Variants in CACNA1I observed in about 807,000 individuals in gnomAD.
CACNA1I encodes the protein calcium voltage-gated channel subunit alpha1 I.
In CACNA1I, 74 loss-of-function variants were observed where a neutral mutation model predicts 201.6. The ratio of observed to expected loss-of-function variants is 0.37; its 90% confidence interval spans 0.30 to 0.45. CACNA1I has a LOEUF of 0.45. Ranked by LOEUF, CACNA1I falls within the 20% of genes least tolerant of loss-of-function variation. CACNA1I has a pLI of 1.00. For synonymous variants in CACNA1I, 1,431 were observed against 1,345.2 expected (o/e 1.06, Z -1.40); for missense variants, 2,346 against 3,138.1 (o/e 0.75, Z 6.03).
chr22:39,648,517 C>T lies in CACNA1I; in HGVS notation c.1567+591C>T, dbSNP rs543180271. 3.9e-5 allele frequency among the ~76,000 whole-genome samples: 6 copies of T among 152,230 alleles called. No individual in the cohort carries two copies. In the East Asian group the frequency reaches 1.2e-3, roughly 30 times the overall value. ...AGCCGGCGCTGGGAAGGGCTTTGGG[C>T]CTGTCCTCCGGGGTGAGATGGGACT... On this transcript the variant is annotated intron_variant, in intron 9 of 36. Transcript: ENST00000402142. The surrounding 1 kb of genome is among the most constrained non-coding windows in gnomAD (Gnocchi z 5.4).
chr22:39,592,244 C>T (rs910443227), intron 1 of CACNA1I, among the ~76,000 whole-genome samples: 3 of 152,198 alleles, frequency 2.0e-5, no homozygotes, highest in African/African-American at 7.2e-5. Context: ...TCCTCAAAGG[C>T]GCTCAGGGCT....
At chr22:39,674,143 C>T in intron 29 of CACNA1I, 110 bp downstream of exon 29, 1 of 1,002,198 alleles carries the variant, frequency 1.0e-6, no homozygotes, top group South Asian at 1.4e-5. Flanking sequence ...AGAGCCAGGG[C>T]AGATGCTGTC....
intron 3 of CACNA1I, among the ~76,000 whole-genome samples, chr22:39,600,979 C>T (rs2145828858): frequency 6.6e-6 from 1 of 152,280 alleles, no homozygotes; most frequent in Non-Finnish European, 1.5e-5. Context: ...AAAATGAGCA[C>T]CCAATAAATG....
At position 39,659,588 on chromosome 22, in the gene CACNA1I, C is replaced by T. The variant is rs60908413; in HGVS notation, c.2448+38C>T. 115 of 1,597,358 alleles carry T rather than the reference C, an allele frequency of 7.2e-5. No individual in the cohort carries two copies. The African/African-American group carries it at 1.3e-3, about 19-fold the overall frequency. On this transcript the variant is annotated intron_variant, in intron 13 of 36. Transcript: ENST00000402142. The surrounding 1 kb of genome is among the most constrained non-coding windows in gnomAD (Gnocchi z 4.3). The stretch of plus-strand genomic sequence containing the variant: ...TGCGTGTTCATGTTTGCTGGGGAAG[C>T]GATGGGACAGTAGGCCTGGGAGGGG...
At chr22:39,667,347 G>A (rs539321084) in intron 23 of CACNA1I, among the ~76,000 whole-genome samples, 51 of 152,326 alleles carry the variant, frequency 3.3e-4, no homozygotes, top group African/African-American at 1.2e-3. Context: ...AGGGGCCAGT[G>A]CAGGGCCAGA....
In CACNA1I at chr22:39,680,044, G is replaced by T. The variant is rs574911545; in HGVS notation, c.5541+176G>T. Among the ~76,000 whole-genome samples the T allele has an allele frequency of 2.9e-3, 435 of 152,312 alleles. 2 individuals are homozygous for T. The highest frequency in any genetic ancestry group is 4.6e-3 in the Non-Finnish European group (310 of 68,002). On this transcript the variant is annotated intron_variant, in intron 33 of 36. Coordinates refer to ENST00000402142, the MANE Select transcript of CACNA1I (RefSeq NM_021096.4). Reference sequence around the variant, plus strand: ...GGCTCCCTGAGTCAGGGCCAGGTGTGGGCCTGTGGTGTGGTGGCCACAGCT... The same window carrying T: ...GGCTCCCTGAGTCAGGGCCAGGTGTTGGCCTGTGGTGTGGTGGCCACAGCT...
chr22:39,682,788 G>T (rs1272000277), intron 35 of CACNA1I, 127 bp downstream of exon 35: 2 of 742,578 alleles, frequency 2.7e-6, no homozygotes, highest in Non-Finnish European at 4.3e-6. Flanking sequence ...GAAAGAACCA[G>T]ATGGATATCT....
rs565725571 is a variant in CACNA1I, at chr22:39,629,712, G to A, written c.581-4853G>A. 3.1e-4 allele frequency among the ~76,000 whole-genome samples: 47 copies of A among 152,190 alleles called. 1 individual carries two copies. The South Asian group carries it at 8.3e-3, about 27-fold the overall frequency. On this transcript the variant is annotated intron_variant, in intron 4 of 36. Transcript: ENST00000402142. The surrounding 1 kb of genome is among the most constrained non-coding windows in gnomAD (Gnocchi z 4.8). ...CTCAGCGCTCCGGTTTCTGTCCCAC[G>A]TGAGACCCCCGGGAGGCAGCGACCA...
intron 4 of CACNA1I, among the ~76,000 whole-genome samples, 174 bp from the exon 5 acceptor site, chr22:39,634,391 G>A (rs1240595628): frequency 6.6e-6 from 1 of 152,134 alleles, no homozygotes; most frequent in African/African-American, 2.4e-5. Context: ...CGGTGGAGGG[G>A]CAGATAAAAA....
rs1935830509 is a variant in CACNA1I, at chr22:39,685,429, G to C, written c.6028-332G>C. Among the ~76,000 whole-genome samples, 1 of 151,668 alleles carries C rather than the reference G, an allele frequency of 6.6e-6. No homozygotes were observed. The highest frequency in any genetic ancestry group is 1.5e-5 in the Non-Finnish European group (1 of 67,790). On this transcript the variant is annotated intron_variant, in intron 36 of 36. Transcript: ENST00000402142. The surrounding 1 kb of genome is among the most constrained non-coding windows in gnomAD (Gnocchi z 5.0). ...AAGGCTGGGGCCGCGTCAGACCATGGGGGGTGCGGTGGGGGTGCCACGTGC... is the reference window on the plus strand; with the variant it reads ...AAGGCTGGGGCCGCGTCAGACCATGCGGGGTGCGGTGGGGGTGCCACGTGC...
At chr22:39,628,151 T>C in intron 4 of CACNA1I, among the ~76,000 whole-genome samples, 1 of 152,188 alleles carries the variant, frequency 6.6e-6, no homozygotes, top group Admixed American at 6.5e-5. Flanking sequence ...GGCCACCAGA[T>C]CAAAGGACTG....
At chr22:39,664,261 A>G in intron 20 of CACNA1I, 102 bp downstream of exon 20, 2 of 980,036 alleles carry the variant, frequency 2.0e-6, no homozygotes, top group Non-Finnish European at 3.1e-6. Context: ...CATCGGCTTC[A>G]TTTCACTCGT....
intron 1 of CACNA1I, chr22:39,587,625 G>T: frequency 2.7e-6 from 1 of 366,158 alleles, no homozygotes. Flanking sequence ...TTCAAATCCT[G>T]GCTCTGTCCC....
intron 25 of CACNA1I, 76 bp downstream of exon 25, chr22:39,670,306 A>G: frequency 6.9e-7 from 1 of 1,441,604 alleles, no homozygotes; most frequent in South Asian, 1.3e-5. Flanking sequence ...CAGCCTCCTG[A>G]GCCTTTGGAG....
chr22:39,627,782 T>C (rs1384665829), intron 4 of CACNA1I, among the ~76,000 whole-genome samples: 4 of 152,196 alleles, frequency 2.6e-5, no homozygotes, highest in Non-Finnish European at 5.9e-5. Flanking sequence ...ACTTCAGGGC[T>C]GTCTGTTTTA....
At chr22:39,613,472 C>A (rs933572669) in intron 3 of CACNA1I, among the ~76,000 whole-genome samples, 8 of 152,214 alleles carry the variant, frequency 5.3e-5, no homozygotes, top group Non-Finnish European at 1.0e-4. Context: ...GGCTGCGATA[C>A]AATAATAGCT....
chr22:39,662,065 C>T lies in CACNA1I; in HGVS notation c.3002C>T (p.Ala1001Val), dbSNP rs1218712298. The T allele has an allele frequency of 1.3e-6, 2 of 1,551,528 alleles. No homozygotes were observed. The highest frequency in any genetic ancestry group is 1.9e-5 in the Admixed American group (1 of 51,914). ...WNSLKHKPPS[A>V]EHESLLSAER... The stretch of plus-strand genomic sequence containing the variant: ...AGCCTCAAGCACAAGCCGCCGTCGG[C>T]GGAGCATGAGTCCCTGCTCTCTGCG... Residue 1001 changes from alanine (A) to valine (V), a missense_variant, in exon 17 of 37, where the codon GCG becomes GTG. Physicochemically the swap from Ala to Val is moderately conservative, Grantham distance 64. Around this residue, in one of 13 missense-constraint regions of CACNA1I, gnomAD observed 288 missense variants for 255.2 expected, o/e 1.13. Transcript: ENST00000402142.
intron 2 of CACNA1I, among the ~76,000 whole-genome samples, 188 bp downstream of exon 2, chr22:39,598,450 C>T (rs968904274): frequency 2.6e-5 from 4 of 151,792 alleles, no homozygotes. Context: ...CCACCACCAG[C>T]CGCACTCACT....
rs983873294 is a variant in CACNA1I, at chr22:39,649,091, GCTGCC to G, written c.1568-408_1568-404del. On this transcript the variant is annotated intron_variant, in intron 9 of 36. Transcript: ENST00000402142. This position sits in a 1 kb window ranked among gnomAD's most constrained non-coding sequence, Gnocchi z 7.3. ...TCCACCATGGCCTTCTCTGACGGGG[GCTGCC>G]CCCACATTGGCCTGACTCTTTCAGA... Among the ~76,000 whole-genome samples, 2 of 152,220 alleles carry G rather than the reference GCTGCC, an allele frequency of 1.3e-5. No individual in the cohort carries two copies. Among genetic ancestry groups the G allele is most frequent in the Non-Finnish European group, 2.9e-5 (2 of 68,034 alleles).
Sources: gnomAD v4.1 joint callset for allele counts (sites outside exome capture counted in the v4.1 genomes callset) on GRCh38, gnomAD v4.1.1 for gene constraint, gnomAD v4.1.1 regional missense constraint, Gnocchi (gnomAD v3.1) non-coding constraint, MANE v1.5 for transcripts, NCBI Gene and HGNC (gene_info 2026-07-23, HGNC 2026-07-21) for gene names.